WDR64: variants seen among roughly 807,000 people sequenced by gnomAD.
The protein encoded by WDR64 is WD repeat domain 64, also known as WD repeat-containing protein 64.
Under a neutral mutation model 139.3 loss-of-function variants are expected in WDR64, and 112 were observed. The ratio of observed to expected loss-of-function variants is 0.80; its 90% CI spans 0.69 to 0.94. The LOEUF (loss-of-function observed/expected upper bound fraction) is 0.94. Among genes scored for constraint, WDR64 ranks in the 40% least tolerant of loss-of-function variants. The pLI is 0.00. For synonymous variants in WDR64, 444 were observed against 437.7 expected (o/e 1.01, Z -0.18); for missense variants, 1,206 against 1,293.1 (o/e 0.93, Z 1.03).
chr1:241,713,427 G>A lies in WDR64; in HGVS notation c.1054+1546G>A, dbSNP rs911475895. 3.6e-5 allele frequency among the ~76,000 whole-genome samples: 5 copies of A among 140,076 alleles called. 1 individual carries two copies. The South Asian group carries it at 7.2e-4, about 20-fold the overall frequency. The allele number at this position is 140,076 out of a possible 152,430, so 91.9% of individuals were successfully genotyped here. Reference sequence around the variant, plus strand: ...GGAGGGAGGAAGGGAAGGAAGGGAAGGAAGGAAGGGAAGGAAAGAAAGGAA... The same window carrying A: ...GGAGGGAGGAAGGGAAGGAAGGGAAAGAAGGAAGGGAAGGAAAGAAAGGAA... On this transcript the variant is annotated intron_variant, in intron 9 of 27. Transcript: ENST00000437684.
chr1:241,702,531 A>G (rs1247667461), intron 8 of WDR64, among the ~76,000 whole-genome samples: 2 of 152,094 alleles, frequency 1.3e-5, no homozygotes, highest in African/African-American at 4.8e-5. Flanking sequence ...GAAAAAAAAA[A>G]AAAGAAAGAA....
At chr1:241,776,160 C>CCT (rs1354542363) in intron 21 of WDR64, among the ~76,000 whole-genome samples, 1 of 151,902 alleles carries the variant, frequency 6.6e-6, no homozygotes, top group Non-Finnish European at 1.5e-5. Context: ...CTCACTGCAA[C>CCT]CTCTGCCTCC....
intron 14 of WDR64, among the ~76,000 whole-genome samples, chr1:241,756,297 C>T (rs971854707): frequency 1.9e-4 from 29 of 152,004 alleles, no homozygotes; most frequent in African/African-American, 6.3e-4. Flanking sequence ...AGTTGTATTC[C>T]TACATATTTT....
chr1:241,785,467 C>T lies in WDR64; in HGVS notation c.2705+2086C>T, dbSNP rs1659002884. On this transcript the variant is annotated intron_variant, in intron 23 of 27. Transcript: ENST00000437684. ...GAAGACTGAGCCCTTGTGACCTAAGCATGTCCCATTTCACATCAATATCAC... is the reference window on the plus strand; with the variant it reads ...GAAGACTGAGCCCTTGTGACCTAAGTATGTCCCATTTCACATCAATATCAC... Among the ~76,000 whole-genome samples, 3 of 152,196 alleles carry T rather than the reference C, an allele frequency of 2.0e-5. No individual in the cohort carries two copies. In the South Asian group the frequency reaches 6.2e-4, roughly 32 times the overall value.
chr1:241,761,579 T>C (rs914286696), intron 15 of WDR64, among the ~76,000 whole-genome samples: 2 of 151,600 alleles, frequency 1.3e-5, no homozygotes, highest in African/African-American at 2.4e-5. Flanking sequence ...TATGTATATA[T>C]AGATAATTAG....
chr1:241,718,873 GTGTCTCT>G (rs1668500514), intron 9 of WDR64, among the ~76,000 whole-genome samples: 1 of 152,054 alleles, frequency 6.6e-6, no homozygotes, highest in Admixed American at 6.6e-5. Flanking sequence ...GCAGGAGCTG[GTGTCTCT>G]TCTAATAAGG....
chr1:241,782,159 G>A (rs1658868228), intron 22 of WDR64, among the ~76,000 whole-genome samples: 2 of 152,184 alleles, frequency 1.3e-5, no homozygotes, highest in African/African-American at 4.8e-5. Context: ...GTGGCGGCAC[G>A]TGCCGGTAGT....
chr1:241,707,010 C>T (rs1386063994), intron 8 of WDR64, among the ~76,000 whole-genome samples: 2 of 152,068 alleles, frequency 1.3e-5, no homozygotes, highest in Admixed American at 6.5e-5. Flanking sequence ...TGTTGGCTGG[C>T]TCTGGGCCCG....
At chr1:241,752,725 C>T (rs1670025105) in intron 14 of WDR64, among the ~76,000 whole-genome samples, 1 of 152,116 alleles carries the variant, frequency 6.6e-6, no homozygotes, top group Non-Finnish European at 1.5e-5. Flanking sequence ...GTGTCACACA[C>T]CTGTAGTCTC....
intron 1 of WDR64, among the ~76,000 whole-genome samples, chr1:241,653,606 C>A (rs533740484): frequency 1.4e-5 from 2 of 147,822 alleles, no homozygotes; most frequent in South Asian, 4.2e-4. Context: ...TGAAATGGTG[C>A]GATCTCGGCT....
chr1:241,674,261 CTT>C (rs553930996), intron 3 of WDR64, among the ~76,000 whole-genome samples: 6 of 133,538 alleles, frequency 4.5e-5, no homozygotes, highest in Admixed American at 7.9e-5. Context: ...TTTTTCTTTT[CTT>C]TTTTTTTTTT....
At chr1:241,787,738 A>T in intron 23 of WDR64, 111 bp from the exon 24 acceptor site, 1 of 907,190 alleles carries the variant, frequency 1.1e-6, no homozygotes, top group Non-Finnish European at 1.6e-6. Flanking sequence ...GAACCCAAGT[A>T]AAAAAATCCT....
chr1:241,790,378 T>A (rs987663143), intron 24 of WDR64, among the ~76,000 whole-genome samples: 2 of 151,846 alleles, frequency 1.3e-5, no homozygotes, highest in Admixed American at 6.6e-5. Flanking sequence ...ATAAATGGAA[T>A]GTTCTGGTTG....
chr1:241,704,154 T>C (rs1667846166), intron 8 of WDR64, among the ~76,000 whole-genome samples: 1 of 152,124 alleles, frequency 6.6e-6, no homozygotes, highest in Non-Finnish European at 1.5e-5. Flanking sequence ...ATGGGTGGTG[T>C]TTACAGGTGG....
chr1:241,653,772 T>C (rs1177818598), intron 1 of WDR64, among the ~76,000 whole-genome samples: 1 of 152,060 alleles, frequency 6.6e-6, no homozygotes, highest in Non-Finnish European at 1.5e-5. Flanking sequence ...CTTGAACTCT[T>C]GACCTCAGGT....
intron 11 of WDR64, among the ~76,000 whole-genome samples, chr1:241,740,761 G>A (rs950438048): frequency 2.6e-5 from 4 of 151,898 alleles, no homozygotes; most frequent in Admixed American, 2.6e-4. Context: ...TCCCTCCGGG[G>A]TTCAAGTGAT....
chr1:241,690,280 G>A (rs1392541652), intron 8 of WDR64, among the ~76,000 whole-genome samples: 1 of 152,108 alleles, frequency 6.6e-6, no homozygotes, highest in Non-Finnish European at 1.5e-5. Flanking sequence ...AGATCAGCCT[G>A]ACCAACATGG....
intron 9 of WDR64, among the ~76,000 whole-genome samples, chr1:241,715,946 GT>G (rs1439571586): frequency 1.3e-5 from 2 of 152,112 alleles, no homozygotes; most frequent in African/African-American, 4.8e-5. Flanking sequence ...TTGAAAACGT[GT>G]TTATTATAGG....
intron 2 of WDR64, among the ~76,000 whole-genome samples, chr1:241,663,165 T>C (rs1047869129): frequency 1.3e-5 from 2 of 152,178 alleles, no homozygotes; most frequent in Non-Finnish European, 2.9e-5. Flanking sequence ...GGGATAACTC[T>C]ATTGAAAAAA....
Sources: allele counts gnomAD v4.1 joint callset (sites outside exome capture counted in the v4.1 genomes callset), GRCh38; gene constraint gnomAD v4.1.1; transcripts MANE v1.5; gene names NCBI Gene and HGNC (gene_info 2026-07-23, HGNC 2026-07-21).